IGF1R: variants seen among roughly 807,000 people sequenced by gnomAD.
IGF1R encodes insulin like growth factor 1 receptor.
Under a neutral mutation model 144.6 loss-of-function variants are expected in IGF1R, and 44 were observed. That is an observed-to-expected ratio of 0.30 (90% CI 0.24 to 0.39). IGF1R has a LOEUF of 0.39. IGF1R is among the 10% of genes least tolerant of loss of function. IGF1R has a pLI of 1.00. For synonymous variants in IGF1R, 795 were observed against 722.8 expected, an observed-to-expected ratio of 1.10 and a Z score of -1.60; for missense variants, 1,355 against 1,833.7, an observed-to-expected ratio of 0.74 and a Z score of 4.77.
At chr15:98,738,510 T>G (rs1452513044) in intron 2 of IGF1R, among the ~76,000 whole-genome samples, 1 of 152,182 alleles carries the variant, frequency 6.6e-6, no homozygotes, top group Non-Finnish European at 1.5e-5. Flanking sequence ...CACCCCAGCC[T>G]GGGCAACAGA....
rs1567193504 is a variant in IGF1R at position 98,911,331 on chromosome 15, G to T, written c.1479G>T (p.Leu493=). 1 of 1,614,106 alleles carries T rather than the reference G, an allele frequency of 6.2e-7. No individual in the cohort carries two copies. Residue 493 remains leucine, a synonymous_variant, in exon 7 of 21, where the codon CTG becomes CTT. Coordinates refer to ENST00000650285, the MANE Select transcript of IGF1R (RefSeq NM_000875.5). ...TTGCCCCAGGTGAAAGTGACGTCCT[G>T]CATTTCACCTCCACCACCACGTCGA... ...GERASCESDV[L]HFTSTTTSKN... is the part of the protein sequence containing the mutation.
chr15:98,957,300 C>T lies in IGF1R; in HGVS notation c.3962C>T (p.Ser1321Leu), dbSNP rs755377291. The T allele has an allele frequency of 1.9e-6, 3 of 1,613,570 alleles. No individual in the cohort carries two copies. The highest frequency in any genetic ancestry group is 1.7e-5 in the Admixed American group (1 of 60,024). ...SSSLPLPDRHSGHKAENGPGP... is the reference protein window; with the variant it reads ...SSSLPLPDRHLGHKAENGPGP... ...TCCCTGCCACTGCCCGACAGACACT[C>T]AGGACACAAGGCCGAGAACGGCCCC... Residue 1321 changes from serine to leucine, a missense_variant, in exon 21 of 21, where the codon TCA (serine) becomes TTA (leucine). By Grantham distance (145) the Ser-to-Leu change is moderately radical. Coordinates refer to ENST00000650285, the MANE Select transcript of IGF1R (RefSeq NM_000875.5).
rs2151749440 is a variant in IGF1R at position 98,964,152 on chromosome 15, G to T, written c.*6710G>T. 1 of 232,838 alleles carries T rather than the reference G, an allele frequency of 4.3e-6. No individual in the cohort carries two copies. Among genetic ancestry groups the T allele is most frequent in the Admixed American group, 5.6e-5 (1 of 17,762 alleles). The allele number at this position is 232,838 out of a possible 1,614,324, so 14.4% of individuals were successfully genotyped here. On this transcript the variant is annotated 3_prime_UTR_variant, in exon 21 of 21. Coordinates refer to ENST00000650285, the MANE Select transcript of IGF1R (RefSeq NM_000875.5). ...GGGATAAAAAAAATCAAACCAGAAGGCGGGATGGAATGGATGCACCGCAAA... is the reference window on the plus strand; with the variant it reads ...GGGATAAAAAAAATCAAACCAGAAGTCGGGATGGAATGGATGCACCGCAAA...
In IGF1R at chr15:98,963,114, A is replaced by G. The variant is rs2151747901; in HGVS notation, c.*5672A>G. On this transcript the variant is annotated 3_prime_UTR_variant, in exon 21 of 21. Coordinates refer to ENST00000650285, the MANE Select transcript of IGF1R (RefSeq NM_000875.5). ...AATGTTTCATTGCATTTTTGTAAGA[A>G]CAGAATAATTTTATAAAATGTTTGT... is the stretch of plus-strand genomic sequence containing the variant. 4.3e-6 allele frequency: 1 copy of G among 233,702 alleles called. No homozygotes were observed. Among genetic ancestry groups the G allele is most frequent in the Non-Finnish European group, 8.5e-6 (1 of 118,040 alleles). The allele number at this position is 233,702 out of a possible 1,614,324, so 14.5% of individuals were successfully genotyped here. A position where few individuals can be genotyped will look rare whatever the true frequency, so the allele number is the denominator to read the frequency against.
intron 2 of IGF1R, among the ~76,000 whole-genome samples, chr15:98,867,517 A>G (rs924392200): frequency 6.6e-6 from 1 of 152,090 alleles, no homozygotes; most frequent in Non-Finnish European, 1.5e-5. Context: ...ATGCCTTGCC[A>G]TCGTGTGGGC....
chr15:98,665,212 A>C (rs564949752), intron 1 of IGF1R, among the ~76,000 whole-genome samples: 4 of 152,216 alleles, frequency 2.6e-5, no homozygotes, highest in Admixed American at 2.6e-4. Context: ...CGGCCTCCCA[A>C]AGTGCTGGGA....
chr15:98,811,819 C>T (rs1014915931), intron 2 of IGF1R, among the ~76,000 whole-genome samples: 2 of 148,708 alleles, frequency 1.3e-5, no homozygotes, highest in Admixed American at 6.7e-5. Flanking sequence ...CCAGCTACTC[C>T]GGAGGCTGAG....
intron 2 of IGF1R, among the ~76,000 whole-genome samples, chr15:98,749,859 C>T (rs1174939724): frequency 2.0e-5 from 3 of 147,628 alleles, no homozygotes; most frequent in East Asian, 2.0e-4. Context: ...ATAATTTTAT[C>T]GTTTTAGACT....
intron 1 of IGF1R, among the ~76,000 whole-genome samples, chr15:98,683,391 A>G (rs1241296242): frequency 6.6e-6 from 1 of 152,152 alleles, no homozygotes; most frequent in Non-Finnish European, 1.5e-5. Context: ...CTCCTCCTTT[A>G]GTCCCATCAT....
At chr15:98,824,949 GC>G (rs1567147689) in intron 2 of IGF1R, among the ~76,000 whole-genome samples, 2 of 151,486 alleles carry the variant, frequency 1.3e-5, no homozygotes, top group African/African-American at 4.9e-5. Flanking sequence ...CGATTCTCCT[GC>G]CTCAGCCTCC....
At chr15:98,917,565 C>T (rs905549021) in intron 10 of IGF1R, among the ~76,000 whole-genome samples, 2 of 152,136 alleles carry the variant, frequency 1.3e-5, no homozygotes, top group African/African-American at 4.8e-5. Flanking sequence ...TTCATAGTAG[C>T]CAAATCTGGA....
intron 2 of IGF1R, among the ~76,000 whole-genome samples, chr15:98,860,473 G>T (rs967442231): frequency 6.6e-6 from 1 of 152,182 alleles, no homozygotes; most frequent in Non-Finnish European, 1.5e-5. Flanking sequence ...AAGCCTTAGG[G>T]AGAACTGAGA....
Position 98,922,294 on chromosome 15 carries a change from A to G in IGF1R, c.2348A>G (p.Asp783Gly). 1.2e-6 allele frequency: 2 copies of G among 1,614,200 alleles called. No homozygotes were observed. Among genetic ancestry groups the G allele is most frequent in the Non-Finnish European group, 1.7e-6 (2 of 1,180,034 alleles). ...TEYPFFESRV[D>G]NKERTVISNL... ...TACCCTTTCTTTGAGAGCAGAGTGG[A>G]TAACAAGGAGAGAACTGTCATTTCT... The change falls in exon 11 of 21, where the codon GAT becomes GGT. Residue 783 changes from aspartate to glycine, a missense_variant. Physicochemically the swap from Asp to Gly is moderately conservative, Grantham distance 94. Coordinates refer to ENST00000650285, the MANE Select transcript of IGF1R (RefSeq NM_000875.5).
chr15:98,659,937 A>G (rs1028318340), intron 1 of IGF1R, among the ~76,000 whole-genome samples: 2 of 151,770 alleles, frequency 1.3e-5, no homozygotes, highest in African/African-American at 4.9e-5. Context: ...AAATACATCC[A>G]GTGTTGTGTT....
chr15:98,852,130 C>A (rs2011552400), intron 2 of IGF1R, among the ~76,000 whole-genome samples: 1 of 152,200 alleles, frequency 6.6e-6, no homozygotes, highest in African/African-American at 2.4e-5. Context: ...AGAAGAGGAG[C>A]CGAATTATGG....
chr15:98,798,352 G>A (rs1439617719), intron 2 of IGF1R, among the ~76,000 whole-genome samples: 1 of 152,198 alleles, frequency 6.6e-6, no homozygotes, highest in African/African-American at 2.4e-5. Context: ...CATCTTGGTG[G>A]GGGATGGGGT....
chr15:98,779,865 G>T (rs2055812835), intron 2 of IGF1R, among the ~76,000 whole-genome samples: 1 of 152,184 alleles, frequency 6.6e-6, no homozygotes. Flanking sequence ...CCCAAGCAAA[G>T]AGAGTTAATT....
intron 2 of IGF1R, among the ~76,000 whole-genome samples, chr15:98,761,988 C>G (rs970108571): frequency 6.6e-6 from 1 of 152,194 alleles, no homozygotes; most frequent in African/African-American, 2.4e-5. Context: ...CTTGATTGCT[C>G]TTTACCTGTT....
chr15:98,777,102 G>T (rs751124343), intron 2 of IGF1R, among the ~76,000 whole-genome samples: 1 of 152,154 alleles, frequency 6.6e-6, no homozygotes, highest in Non-Finnish European at 1.5e-5. Flanking sequence ...GTTTCCCGGG[G>T]TGTGCTCAGA....
Sources: allele counts gnomAD v4.1 joint callset (sites outside exome capture counted in the v4.1 genomes callset), GRCh38; gene constraint gnomAD v4.1.1; transcripts MANE v1.5; gene names NCBI Gene and HGNC (gene_info 2026-07-23, HGNC 2026-07-21).